Variants in ENSA observed in about 807,000 individuals in gnomAD.
ENSA encodes the protein endosulfine alpha.
In ENSA, 7 loss-of-function variants were observed where a neutral mutation model predicts 16.8. The ratio of observed to expected loss-of-function variants is 0.42; its 90% CI spans 0.24 to 0.78. The LOEUF (loss-of-function observed/expected upper bound fraction) is 0.78, where lower values mean the gene tolerates loss of function less well. Ranked by LOEUF, ENSA falls within the 30% of genes least tolerant of loss-of-function variation. The pLI is 0.29. For missense variants in ENSA, 87 were observed against 142.3 expected, an observed-to-expected ratio of 0.61 and a Z score of 1.98; for synonymous variants, 58 against 53.4, an observed-to-expected ratio of 1.09 and a Z score of -0.37.
intron 3 of ENSA, chr1:150,624,728 C>G: frequency 1.0e-6 from 1 of 985,466 alleles, no homozygotes; most frequent in Non-Finnish European, 1.2e-6. Flanking sequence ...AGGTTCACCA[C>G]CCACGAGCCT....
chr1:150,628,711 T>G (rs1435809740), intron 1 of ENSA, among the ~76,000 whole-genome samples: 1 of 152,198 alleles, frequency 6.6e-6, no homozygotes, highest in African/African-American at 2.4e-5. Flanking sequence ...GGCGTTAGTG[T>G]TTCCATCACG....
At chr1:150,628,673 A>G (rs1649521277) in intron 1 of ENSA, among the ~76,000 whole-genome samples, 1 of 152,224 alleles carries the variant, frequency 6.6e-6, no homozygotes, top group Admixed American at 6.5e-5. Context: ...TTAAAAGTCA[A>G]ATACAAACCC....
chr1:150,626,505 T>G, intron 2 of ENSA: 1 of 1,613,886 alleles, frequency 6.2e-7, no homozygotes, highest in Non-Finnish European at 8.5e-7. Context: ...AGAAGCACAC[T>G]CCAATGTAAT....
rs17847054 is a variant in ENSA, at chr1:150,625,815, G to A, written c.184-7C>T. 1.8e-4 allele frequency: 281 copies of A among 1,592,554 alleles called. No individual in the cohort carries two copies. The East Asian group carries it at 6.1e-3, about 34-fold the overall frequency. On this transcript the variant is annotated splice_region_variant and splice_polypyrimidine_tract_variant and intron_variant, in intron 2 of 3. Transcript: ENST00000369014. ...CTGAGTCAAAGTACTTTTGCTAAGA[G>A]ATAAGAGGGAGGTTTAGGTGAGTGA...
intron 3 of ENSA, chr1:150,625,195 G>A (rs768154311): frequency 1.0e-6 from 1 of 986,466 alleles, no homozygotes; most frequent in South Asian, 4.7e-5. Context: ...CAGCCTAAGG[G>A]ACAGAACACT....
chr1:150,629,509 G>A lies in ENSA; in HGVS notation c.-39C>T. ...CTGTGGAGTGTAAGGGGCCCGGGAA[G>A]GCAACCGGAGAAGGGAAGGGGGAGG... On this transcript the variant is annotated 5_prime_UTR_variant, in exon 1 of 4. Coordinates refer to ENST00000369014, the MANE Select transcript of ENSA (RefSeq NM_004436.4). 1 of 1,601,940 alleles carries A rather than the reference G, an allele frequency of 6.2e-7. No individual in the cohort carries two copies. Among genetic ancestry groups the A allele is most frequent in the Non-Finnish European group, 8.5e-7 (1 of 1,175,378 alleles).
At chr1:150,629,157 C>A in intron 1 of ENSA, 1 of 1,613,956 alleles carries the variant, frequency 6.2e-7, no homozygotes, top group Non-Finnish European at 8.5e-7. Flanking sequence ...CCATGCTCGG[C>A]CAATTATAGC....
At chr1:150,621,737 T>C (rs1368991377), downstream of ENSA, 1 of 152,156 alleles carries the variant, frequency 6.6e-6, no homozygotes, top group East Asian at 1.9e-4. Context: ...TGAGTTTCTT[T>C]TGGCTTATTA....
chr1:150,627,748 C>T (rs1316910676), intron 1 of ENSA, among the ~76,000 whole-genome samples, 156 bp from the exon 2 acceptor site: 1 of 152,200 alleles, frequency 6.6e-6, no homozygotes, highest in Non-Finnish European at 1.5e-5. Flanking sequence ...TTGTTAAAAT[C>T]CCTAAAGCTC....
intron 2 of ENSA, chr1:150,627,068 T>C (rs1649383397): frequency 7.8e-7 from 1 of 1,284,658 alleles, no homozygotes; most frequent in Admixed American, 3.8e-5. Flanking sequence ...TGAGGATTTA[T>C]TTCTGTAGGA....
chr1:150,623,492 T>C (rs1649096161), intron 3 of ENSA: 1 of 985,650 alleles, frequency 1.0e-6, no homozygotes, highest in East Asian at 1.1e-4. Flanking sequence ...GCTCCTCCTA[T>C]TCCTTCCTAA....
intron 1 of ENSA, chr1:150,628,886 C>T (rs1649537200): frequency 1.6e-6 from 1 of 643,844 alleles, no homozygotes; most frequent in Admixed American, 2.8e-5. Flanking sequence ...GAGCAATAGA[C>T]CATCCTTAGC....
At chr1:150,623,911 A>G in intron 3 of ENSA, 2 of 985,532 alleles carry the variant, frequency 2.0e-6, no homozygotes, top group Non-Finnish European at 2.4e-6. Flanking sequence ...CTGAATGGCC[A>G]GTCAGGAGAA....
downstream of ENSA, chr1:150,621,486 C>G (rs1648993544): frequency 6.6e-6 from 1 of 152,256 alleles, no homozygotes; most frequent in Non-Finnish European, 1.5e-5. Context: ...GTTGGCTAGG[C>G]TGGTCTCAAA....
intron 1 of ENSA, chr1:150,629,055 A>T: frequency 6.2e-7 from 1 of 1,614,016 alleles, no homozygotes; most frequent in Non-Finnish European, 8.5e-7. Flanking sequence ...TTGCTGGGTC[A>T]CTTACCTCTA....
intron 1 of ENSA, chr1:150,629,178 A>G (rs1649565805): frequency 6.2e-7 from 1 of 1,612,980 alleles, no homozygotes; most frequent in Non-Finnish European, 8.5e-7. Flanking sequence ...ACAGCGTCCA[A>G]GGTTTGAGCG....
chr1:150,625,221 CAT>C (rs1378433774), intron 3 of ENSA: 2 of 988,066 alleles, frequency 2.0e-6, no homozygotes, highest in African/African-American at 3.5e-5. Context: ...GCACAGAAAA[CAT>C]GTCTCATTCA....
chr1:150,623,925 CAT>C (rs1221158885), intron 3 of ENSA: 8 of 985,336 alleles, frequency 8.1e-6, no homozygotes, highest in African/African-American at 5.2e-5. Flanking sequence ...AGGAGAAAGG[CAT>C]ATACACACCT....
In ENSA at chr1:150,622,878, GA is replaced by G. The variant is rs76738351; in HGVS notation, c.351-20del. 0.028 allele frequency: 32,555 copies of G among 1,168,560 alleles called. 21 individuals are homozygous for G. Among genetic ancestry groups the G allele is most frequent in the African/African-American group, 0.055 (2,753 of 50,382 alleles). 72.4% of individuals were successfully genotyped at this position (1,168,560 alleles called of 1,614,324 possible). Reference sequence around the variant, plus strand: ...TTGGCCACTGCGGACGAACACAGAAGAAAAAAAAAAAAAACAACACTGTCAA... The same window carrying G: ...TTGGCCACTGCGGACGAACACAGAAGAAAAAAAAAAAAACAACACTGTCAA... On this transcript the variant is annotated intron_variant, in intron 3 of 3. Transcript: ENST00000369014.
Sources: gnomAD v4.1 joint callset for allele counts (sites outside exome capture counted in the v4.1 genomes callset) on GRCh38, gnomAD v4.1.1 for gene constraint, MANE v1.5 for transcripts, NCBI Gene and HGNC (gene_info 2026-07-23, HGNC 2026-07-21) for gene names.